PCSK5: variants seen among roughly 807,000 people sequenced by gnomAD.
The protein encoded by PCSK5 is prohormone convertase 5.
Under a neutral mutation model 233.2 loss-of-function variants are expected in PCSK5, and 129 were observed. The ratio of observed to expected loss-of-function variants is 0.55; its 90% CI spans 0.48 to 0.64. The LOEUF is 0.64. Among genes scored for constraint, PCSK5 ranks in the 30% least tolerant of loss-of-function variants. The pLI is 0.00. For missense variants in PCSK5, 2,076 were observed against 2,430.1 expected (o/e 0.85, Z 3.06); for synonymous variants, 825 against 879.2 (o/e 0.94, Z 1.09).
intron 3 of PCSK5, among the ~76,000 whole-genome samples, chr9:75,989,999 T>A (rs1826697181): frequency 6.6e-6 from 1 of 152,162 alleles, no homozygotes; most frequent in Non-Finnish European, 1.5e-5. Context: ...AAACCCTCAG[T>A]CAATCATAAT....
In PCSK5 at chr9:76,097,448, AGACGGGG is replaced by A. The variant is rs1450698410; in HGVS notation, c.1107+1348_1107+1354del. Among the ~76,000 whole-genome samples, 1,086 of 147,460 alleles carry A rather than the reference AGACGGGG, an allele frequency of 7.4e-3. 16 individuals carry two copies. The highest frequency in any genetic ancestry group is 0.024 in the African/African-American group (891 of 37,722). On this transcript the variant is annotated intron_variant, in intron 8 of 37. Transcript: ENST00000674117. ...CTAATTTTTTTTGTATTTTTAGTAG[AGACGGGG>A]GTGCATTTCTTATAGACAGCACAAA...
intron 1 of PCSK5, among the ~76,000 whole-genome samples, chr9:75,913,369 G>A (rs1822836777): frequency 6.6e-6 from 1 of 152,168 alleles, no homozygotes; most frequent in Admixed American, 6.5e-5. Flanking sequence ...CTTGAGGTAG[G>A]GGATGATCTT....
At chr9:75,946,612 A>G (rs1974321) in intron 2 of PCSK5, among the ~76,000 whole-genome samples, 103,863 of 151,954 alleles carry the variant, frequency 0.68, 35,690 homozygotes, top group East Asian at 0.84. Context: ...TTTTTGAGAC[A>G]GAGTCTCACT....
intron 30 of PCSK5, 58 bp downstream of exon 30, chr9:76,310,909 G>T: frequency 8.8e-7 from 1 of 1,140,122 alleles, no homozygotes; most frequent in Non-Finnish European, 1.2e-6. Flanking sequence ...TGGTACTTTG[G>T]GAGCAATTCT....
intron 23 of PCSK5, among the ~76,000 whole-genome samples, chr9:76,239,398 A>G: frequency 6.6e-6 from 1 of 152,180 alleles, no homozygotes; most frequent in East Asian, 1.9e-4. Flanking sequence ...AATGCACTTA[A>G]GTGTATAGAA....
chr9:76,023,677 T>C, intron 3 of PCSK5, 61 bp from the exon 4 acceptor site: 1 of 1,424,930 alleles, frequency 7.0e-7, no homozygotes, highest in Non-Finnish European at 9.5e-7. Context: ...AAGAAAGAAA[T>C]AGGTAATTCT....
At chr9:76,179,808 C>T in intron 15 of PCSK5, 110 bp downstream of exon 15, 1 of 727,414 alleles carries the variant, frequency 1.4e-6, no homozygotes, top group South Asian at 1.6e-5. Context: ...TTCCACTATT[C>T]TCCCACCAGG....
chr9:76,254,524 T>A (rs1259743767), intron 24 of PCSK5, among the ~76,000 whole-genome samples: 1 of 152,190 alleles, frequency 6.6e-6, no homozygotes, highest in South Asian at 2.1e-4. Flanking sequence ...ATCTCACTTC[T>A]TTTATCTCTG....
In PCSK5 at chr9:76,354,015, C is replaced by T; in HGVS notation, c.5068-18C>T. On this transcript the variant is annotated intron_variant, in intron 36 of 37. Coordinates refer to ENST00000674117, the MANE Select transcript of PCSK5 (RefSeq NM_001372043.1). ...ATCCCTTTACACTCAAAAGGAACCT[C>T]TTGATTGCTCTTAACAGGGAGAGAA... 1 of 1,587,080 alleles carries T rather than the reference C, an allele frequency of 6.3e-7. No individual in the cohort carries two copies.
At chr9:76,096,190 TACACACAC>T (rs3074177) in intron 8 of PCSK5, 88 bp downstream of exon 8, 8 of 591,574 alleles carry the variant, frequency 1.4e-5, no homozygotes, top group African/African-American at 3.8e-5. Flanking sequence ...TATATATATA[TACACACAC>T]ACACACACAC....
intron 20 of PCSK5, among the ~76,000 whole-genome samples, chr9:76,216,689 T>C (rs1438126753): frequency 6.6e-6 from 1 of 152,196 alleles, no homozygotes. Flanking sequence ...ATTTCCTGAA[T>C]AGAACTTTGG....
At chr9:76,057,383 TG>T (rs896494840) in intron 5 of PCSK5, among the ~76,000 whole-genome samples, 3 of 152,186 alleles carry the variant, frequency 2.0e-5, no homozygotes, top group Non-Finnish European at 2.9e-5. Context: ...TTAAGATGAC[TG>T]ATATTTTTCT....
At chr9:76,224,814 CAA>C (rs1221460744) in intron 20 of PCSK5, among the ~76,000 whole-genome samples, 1 of 152,166 alleles carries the variant, frequency 6.6e-6, no homozygotes, top group South Asian at 2.1e-4. Context: ...AGAAGGCAAA[CAA>C]GAGATACAGA....
chr9:76,346,079 G>T (rs1829972877), intron 35 of PCSK5, among the ~76,000 whole-genome samples: 1 of 152,152 alleles, frequency 6.6e-6, no homozygotes, highest in Admixed American at 6.5e-5. Context: ...GTGACAGGTA[G>T]GGATCCAGTT....
intron 20 of PCSK5, among the ~76,000 whole-genome samples, chr9:76,227,194 GGGTCT>G (rs1229455398): frequency 2.0e-5 from 3 of 152,192 alleles, no homozygotes; most frequent in Non-Finnish European, 4.4e-5. Context: ...TTCAGTAAAG[GGGTCT>G]GGTGGGAAGC....
intron 24 of PCSK5, among the ~76,000 whole-genome samples, chr9:76,266,887 T>C (rs1827349683): frequency 7.3e-6 from 1 of 137,884 alleles, no homozygotes; most frequent in Admixed American, 7.8e-5. Context: ...CCCTTTGGAC[T>C]AACAACACAG....
Position 76,181,437 on chromosome 9 carries a change from C to T in PCSK5, c.2043C>T (p.Ala681=), listed in dbSNP as rs372633301. ...VSSCPPGHYH[A]DKKRCRKCAP... is the part of the protein sequence containing the mutation. The stretch of plus-strand genomic sequence containing the variant: ...GCTGCCCCCCTGGCCACTACCACGC[C>T]GACAAGAAGCGCTGCAGGAAGTGTG... The change falls in exon 16 of 38, where the codon GCC becomes GCT. Residue 681 remains alanine (A), a synonymous_variant. Transcript: ENST00000674117. 210 of 1,613,792 alleles carry T rather than the reference C, an allele frequency of 1.3e-4. No homozygotes were observed. The highest frequency in any genetic ancestry group is 1.7e-4 in the Non-Finnish European group (195 of 1,179,900).
chr9:75,973,629 A>G (rs1825893427), intron 2 of PCSK5, among the ~76,000 whole-genome samples: 1 of 152,174 alleles, frequency 6.6e-6, no homozygotes, highest in African/African-American at 2.4e-5. Flanking sequence ...CCTCTAGCCT[A>G]TAGTCTCAGT....
intron 10 of PCSK5, among the ~76,000 whole-genome samples, chr9:76,143,457 G>A (rs1823310827): frequency 1.3e-5 from 2 of 152,152 alleles, no homozygotes; most frequent in East Asian, 1.9e-4. Flanking sequence ...CAAGTTGCTA[G>A]TCTGATGTCA....
Sources: gnomAD v4.1 joint callset for allele counts (sites outside exome capture counted in the v4.1 genomes callset) on GRCh38, gnomAD v4.1.1 for gene constraint, MANE v1.5 for transcripts, NCBI Gene and HGNC (gene_info 2026-07-23, HGNC 2026-07-21) for gene names.